VPS13B: variants seen among roughly 807,000 people sequenced by gnomAD.
VPS13B encodes intermembrane lipid transfer protein VPS13B.
In VPS13B, 285 loss-of-function variants were observed where a neutral mutation model predicts 426.4. That is an observed-to-expected ratio of 0.67 (90% CI 0.61 to 0.74). The LOEUF (loss-of-function observed/expected upper bound fraction) is 0.74, where lower values mean the gene tolerates loss of function less well. Among genes scored for constraint, VPS13B ranks in the 30% least tolerant of loss-of-function variants. The pLI, the probability that VPS13B is intolerant of heterozygous loss-of-function variation, is 0.00. For missense variants in VPS13B, 4,537 were observed against 4,782.6 expected (o/e 0.95, Z 1.51); for synonymous variants, 1,676 against 1,676.4 (o/e 1.00, Z 0.01).
At chr8:99,696,924 C>CAATG in intron 35 of VPS13B, 1 of 718,480 alleles carries the variant, frequency 1.4e-6, no homozygotes, top group Non-Finnish European at 2.6e-6. Flanking sequence ...CCATAAAGGC[C>CAATG]AATGATAAGC....
intron 30 of VPS13B, among the ~76,000 whole-genome samples, chr8:99,530,976 A>G (rs558908624): frequency 1.3e-5 from 2 of 152,318 alleles, no homozygotes; most frequent in East Asian, 3.9e-4. Flanking sequence ...ACCAGTTTAT[A>G]GCATGAAGTT....
intron 33 of VPS13B, among the ~76,000 whole-genome samples, chr8:99,601,153 C>T (rs569410746): frequency 6.6e-6 from 1 of 152,138 alleles, no homozygotes; most frequent in African/African-American, 2.4e-5. Context: ...TCCCCTAGCC[C>T]CTGACCCCCC....
chr8:99,246,446 C>T (rs1817222656), intron 17 of VPS13B, among the ~76,000 whole-genome samples: 2 of 152,198 alleles, frequency 1.3e-5, no homozygotes, highest in Non-Finnish European at 2.9e-5. Flanking sequence ...CATTATTTGG[C>T]TGGTTAGTTA....
chr8:99,169,953 A>G, intron 15 of VPS13B, 86 bp from the exon 16 acceptor site: 1 of 1,506,896 alleles, frequency 6.6e-7, no homozygotes, highest in Non-Finnish European at 9.2e-7. Context: ...CAGCTGTTGT[A>G]AAGCAAGTTG....
intron 21 of VPS13B, among the ~76,000 whole-genome samples, chr8:99,418,582 T>C (rs1816200637): frequency 6.6e-6 from 1 of 150,992 alleles, no homozygotes; most frequent in African/African-American, 2.4e-5. Context: ...GGATTTTTGC[T>C]CTGTAACCCA....
intron 39 of VPS13B, among the ~76,000 whole-genome samples, chr8:99,728,269 C>G (rs1172291086): frequency 6.6e-6 from 1 of 152,076 alleles, no homozygotes; most frequent in Non-Finnish European, 1.5e-5. Flanking sequence ...CATTAAATGC[C>G]CTTTTCATTA....
At chr8:99,423,273 T>C (rs1241303460) in intron 21 of VPS13B, among the ~76,000 whole-genome samples, 2 of 152,100 alleles carry the variant, frequency 1.3e-5, no homozygotes, top group African/African-American at 4.8e-5. Flanking sequence ...ATTTTTTTTT[T>C]TTTGAAACAG....
chr8:99,398,787 A>G (rs1251475156), intron 21 of VPS13B, among the ~76,000 whole-genome samples: 5 of 151,412 alleles, frequency 3.3e-5, no homozygotes, highest in Non-Finnish European at 7.4e-5. Flanking sequence ...TTTTCTTTCC[A>G]CAAACAAGTA....
At chr8:99,797,905 C>A (rs2130750179) in intron 43 of VPS13B, among the ~76,000 whole-genome samples, 1 of 152,260 alleles carries the variant, frequency 6.6e-6, no homozygotes, top group South Asian at 2.1e-4. Flanking sequence ...CTTTCTCTAA[C>A]TGTGGAAATA....
At chr8:99,184,867 T>G (rs1813133603) in intron 16 of VPS13B, among the ~76,000 whole-genome samples, 1 of 152,174 alleles carries the variant, frequency 6.6e-6, no homozygotes, top group South Asian at 2.1e-4. Context: ...GGCACGCTCC[T>G]GTAATCCCAG....
At chr8:99,734,668 C>A (rs1267036227) in intron 39 of VPS13B, among the ~76,000 whole-genome samples, 3 of 151,998 alleles carry the variant, frequency 2.0e-5, no homozygotes, top group Non-Finnish European at 4.4e-5. Flanking sequence ...ATGACCATGA[C>A]CAATTACAGA....
At chr8:99,087,342 A>C (rs1845877147) in intron 3 of VPS13B, among the ~76,000 whole-genome samples, 1 of 152,154 alleles carries the variant, frequency 6.6e-6, no homozygotes, top group Non-Finnish European at 1.5e-5. Flanking sequence ...CTGATTTTCC[A>C]GGTGCCGTCT....
chr8:99,034,956 A>G (rs1038806138), intron 2 of VPS13B, among the ~76,000 whole-genome samples: 5 of 152,152 alleles, frequency 3.3e-5, no homozygotes, highest in African/African-American at 1.2e-4. Context: ...GCACTTTGAG[A>G]GGCTGAGATG....
chr8:99,769,730 G>T (rs1174646308), intron 40 of VPS13B, among the ~76,000 whole-genome samples: 1 of 152,100 alleles, frequency 6.6e-6, no homozygotes, highest in Non-Finnish European at 1.5e-5. Context: ...TAGGTTTAAG[G>T]CCTGGCTCCA....
chr8:99,410,882 A>G (rs964454160), intron 21 of VPS13B, among the ~76,000 whole-genome samples: 1 of 152,134 alleles, frequency 6.6e-6, no homozygotes, highest in African/African-American at 2.4e-5. Context: ...GTCCCTGCAA[A>G]GGACATAAAC....
intron 28 of VPS13B, among the ~76,000 whole-genome samples, chr8:99,508,958 A>C (rs895305067): frequency 6.6e-6 from 1 of 152,120 alleles, no homozygotes; most frequent in African/African-American, 2.4e-5. Context: ...GTATGCTTAC[A>C]TTCCACGTTT....
chr8:99,280,227 C>A (rs982730215), intron 19 of VPS13B, among the ~76,000 whole-genome samples: 39 of 152,118 alleles, frequency 2.6e-4, no homozygotes, highest in Non-Finnish European at 1.6e-4. Context: ...ACCATCCTTA[C>A]CCTTTTTATA....
intron 22 of VPS13B, among the ~76,000 whole-genome samples, chr8:99,435,328 C>T (rs1190594521): frequency 6.6e-6 from 1 of 152,088 alleles, no homozygotes; most frequent in East Asian, 1.9e-4. Flanking sequence ...TCCCTCTTAT[C>T]TAATGATTGA....
At chr8:99,078,738 A>T (rs544551901) in intron 3 of VPS13B, among the ~76,000 whole-genome samples, 1 of 152,122 alleles carries the variant, frequency 6.6e-6, no homozygotes, top group Non-Finnish European at 1.5e-5. Flanking sequence ...GGTGGTAGCA[A>T]TAGCGGTGGC....
Sources: allele counts gnomAD v4.1 joint callset (sites outside exome capture counted in the v4.1 genomes callset), GRCh38; gene constraint gnomAD v4.1.1; transcripts MANE v1.5; gene names NCBI Gene and HGNC (gene_info 2026-07-23, HGNC 2026-07-21).